The following LINGO1 variants were observed in gnomAD, a reference collection of about 807,000 sequenced individuals.
LINGO1 encodes leucine-rich repeat and immunoglobulin-like domain-containing nogo receptor-interacting protein 1.
A neutral mutation model predicts 37.3 loss-of-function variants in LINGO1; 11 were observed. That is an observed-to-expected ratio of 0.29 (90% CI 0.19 to 0.49). The LOEUF (loss-of-function observed/expected upper bound fraction) is 0.49. LINGO1 is among the 20% of genes least tolerant of loss of function. The pLI, the probability that LINGO1 is intolerant of heterozygous loss-of-function variation, is 0.99. For missense variants in LINGO1, 585 were observed against 878.2 expected, an observed-to-expected ratio of 0.67 and a Z score of 4.22; for synonymous variants, 387 against 403.0, an observed-to-expected ratio of 0.96 and a Z score of 0.48.
rs779768364 is a variant in LINGO1, at chr15:77,615,283, G to A, written c.624C>T (p.Thr208=). The change falls in exon 2 of 2, where the codon ACC becomes ACT. Residue 208 remains threonine (T), a synonymous_variant. Transcript: ENST00000355300. ...GGCCGTGCAGGTGGGACAGCGCCTCGGTGGGGATGGAGGTCAGGTTGCATT... is the reference window on the plus strand; with the variant it reads ...GGCCGTGCAGGTGGGACAGCGCCTCAGTGGGGATGGAGGTCAGGTTGCATT... ...LEKCNLTSIP[T]EALSHLHGLI... The A allele has an allele frequency of 3.5e-5, 57 of 1,613,790 alleles. No homozygotes were observed. The highest frequency in any genetic ancestry group is 4.0e-5 in the Non-Finnish European group (47 of 1,179,898).
chr15:77,702,021 A>T (rs1211549774), intron 2 of LINGO1, among the ~76,000 whole-genome samples: 6 of 152,156 alleles, frequency 3.9e-5, no homozygotes, highest in Admixed American at 3.9e-4. Flanking sequence ...AGGCTAGTAG[A>T]GGGTGTCAGG....
intron 1 of LINGO1, among the ~76,000 whole-genome samples, chr15:77,770,396 T>C (rs551154710): frequency 1.2e-3 from 178 of 152,220 alleles, no homozygotes; most frequent in African/African-American, 4.1e-3. Flanking sequence ...GAGACCAGCC[T>C]GACCAACATG....
intron 2 of LINGO1, among the ~76,000 whole-genome samples, chr15:77,689,067 T>C (rs904080807): frequency 1.4e-4 from 21 of 151,960 alleles, no homozygotes; most frequent in African/African-American, 4.8e-4. Context: ...GGGACCTGAA[T>C]TGGGCCTTGA....
intron 1 of LINGO1, among the ~76,000 whole-genome samples, chr15:77,693,373 G>C (rs975122790): frequency 1.3e-5 from 2 of 152,110 alleles, no homozygotes; most frequent in African/African-American, 4.8e-5. Context: ...CATAAAACCT[G>C]GTAATGTGAA....
intron 3 of LINGO1, among the ~76,000 whole-genome samples, chr15:77,666,177 C>T (rs562400119): frequency 1.3e-5 from 2 of 152,356 alleles, no homozygotes; most frequent in African/African-American, 4.8e-5. Flanking sequence ...CCGCCAAGTC[C>T]TGTCTATGAG....
upstream of LINGO1, chr15:77,634,137 T>G (rs2074346946): frequency 2.4e-6 from 1 of 410,418 alleles, no homozygotes; most frequent in South Asian, 1.8e-5. Context: ...CCAGTTCCAG[T>G]GACACCCCCT....
chr15:77,614,329 G>A lies in LINGO1; in HGVS notation c.1578C>T (p.Asn526=). The A allele has an allele frequency of 6.2e-7, 1 of 1,613,990 alleles. No homozygotes were observed. The highest frequency in any genetic ancestry group is 8.5e-7 in the Non-Finnish European group (1 of 1,179,906). Residue 526 remains asparagine (N), a synonymous_variant, in exon 2 of 2, where the codon AAC becomes AAT. Transcript: ENST00000355300. ...SYSPDWPHQP[N]KTFAFISNQP... is the part of the protein sequence containing the mutation. ...GGTTGGAGATGAAAGCGAAGGTCTTGTTGGGCTGATGGGGCCAGTCGGGCG... is the reference window on the plus strand; with the variant it reads ...GGTTGGAGATGAAAGCGAAGGTCTTATTGGGCTGATGGGGCCAGTCGGGCG...
intron 3 of LINGO1, among the ~76,000 whole-genome samples, chr15:77,661,996 C>CA (rs752962398): frequency 7.4e-4 from 113 of 152,308 alleles, no homozygotes; most frequent in Non-Finnish European, 1.4e-3. Context: ...CTCCCCTCAA[C>CA]GGGAGCTTCC....
chr15:77,707,232 A>C (rs1437912682), intron 2 of LINGO1, among the ~76,000 whole-genome samples: 1 of 152,124 alleles, frequency 6.6e-6, no homozygotes, highest in Non-Finnish European at 1.5e-5. Flanking sequence ...GGAGGAGGAG[A>C]AGTCCAAATG....
At chr15:77,789,024 T>G (rs555941669), upstream of LINGO1, among the ~76,000 whole-genome samples, 2 of 152,156 alleles carry the variant, frequency 1.3e-5, no homozygotes, top group African/African-American at 4.8e-5. Flanking sequence ...CCCTGACAGC[T>G]TGGGGCGGCC....
intron 1 of LINGO1, among the ~76,000 whole-genome samples, chr15:77,751,779 C>T (rs767250394): frequency 6.6e-6 from 1 of 152,214 alleles, no homozygotes; most frequent in Non-Finnish European, 1.5e-5. Flanking sequence ...AAGAAGATCT[C>T]ACCCTTCTAC....
intron 2 of LINGO1, among the ~76,000 whole-genome samples, chr15:77,727,248 T>C (rs1421372074): frequency 6.6e-6 from 1 of 152,242 alleles, no homozygotes; most frequent in Admixed American, 6.5e-5. Context: ...TATATACATA[T>C]CATAATTGAA....
chr15:77,617,294 C>G (rs1369053813), intron 1 of LINGO1, among the ~76,000 whole-genome samples: 3 of 152,136 alleles, frequency 2.0e-5, no homozygotes, highest in Non-Finnish European at 4.4e-5. Flanking sequence ...CCATCCACCC[C>G]CATGAGAAAC....
intron 2 of LINGO1, among the ~76,000 whole-genome samples, chr15:77,723,047 G>A (rs544038395): frequency 1.3e-5 from 2 of 152,306 alleles, no homozygotes; most frequent in South Asian, 2.1e-4. Flanking sequence ...TCCCAGCTGT[G>A]TGACCCAGGG....
intron 1 of LINGO1, among the ~76,000 whole-genome samples, chr15:77,785,311 GC>G (rs1208677868): frequency 6.6e-6 from 1 of 152,148 alleles, no homozygotes; most frequent in Non-Finnish European, 1.5e-5. Context: ...GCTGAAGGCG[GC>G]CCGCAGGCTG....
chr15:77,633,151 G>C (rs2074318958), upstream of LINGO1, among the ~76,000 whole-genome samples: 4 of 151,878 alleles, frequency 2.6e-5, no homozygotes, highest in Admixed American at 2.6e-4. Context: ...CACCAGCCAG[G>C]CGCTCCAGCT....
intron 1 of LINGO1, among the ~76,000 whole-genome samples, chr15:77,693,852 C>G (rs899739348): frequency 6.6e-6 from 1 of 152,136 alleles, no homozygotes; most frequent in Non-Finnish European, 1.5e-5. Flanking sequence ...CTACCATAGA[C>G]AAGGACTGCT....
At chr15:77,674,957 G>T (rs1044857933) in intron 3 of LINGO1, among the ~76,000 whole-genome samples, 2 of 152,056 alleles carry the variant, frequency 1.3e-5, no homozygotes, top group Non-Finnish European at 2.9e-5. Context: ...CTTCCTGAAT[G>T]AGTGGATACA....
intron 1 of LINGO1, among the ~76,000 whole-genome samples, chr15:77,756,091 A>G (rs1204184130): frequency 6.6e-6 from 1 of 152,168 alleles, no homozygotes; most frequent in African/African-American, 2.4e-5. Flanking sequence ...GAGAGGCTAG[A>G]GAGCCTCAGC....
Sources: gnomAD v4.1 joint callset for allele counts (sites outside exome capture counted in the v4.1 genomes callset) on GRCh38, gnomAD v4.1.1 for gene constraint, MANE v1.5 for transcripts, NCBI Gene and HGNC (gene_info 2026-07-23, HGNC 2026-07-21) for gene names.